Variants in AKNA observed in about 807,000 individuals in gnomAD.
The protein encoded by AKNA is microtubule organization protein AKNA.
Under a neutral mutation model 138.8 loss-of-function variants are expected in AKNA, and 67 were observed. The ratio of observed to expected loss-of-function variants is 0.48; its 90% CI spans 0.40 to 0.59. The LOEUF (loss-of-function observed/expected upper bound fraction) is 0.59, where lower values mean the gene tolerates loss of function less well. Among genes scored for constraint, AKNA ranks in the 20% least tolerant of loss-of-function variants. The pLI, the probability that AKNA is intolerant of heterozygous loss-of-function variation, is 0.00. For synonymous variants in AKNA, 737 were observed against 754.4 expected, an observed-to-expected ratio of 0.98 and a Z score of 0.38; for missense variants, 1,813 against 1,880.4, an observed-to-expected ratio of 0.96 and a Z score of 0.66.
chr9:114,346,814 T>A (rs1485746948), intron 16 of AKNA, 30 bp from the exon 17 acceptor site: 1 of 1,591,698 alleles, frequency 6.3e-7, no homozygotes, highest in Admixed American at 1.7e-5. Flanking sequence ...ATGATGTCAT[T>A]GGATGAGGTT....
chr9:114,350,949 G>T lies in AKNA; in HGVS notation c.3131C>A (p.Pro1044Gln), dbSNP rs1831073105. 5 of 1,613,176 alleles carry T rather than the reference G, an allele frequency of 3.1e-6. No homozygotes were observed. Among genetic ancestry groups the T allele is most frequent in the Non-Finnish European group, 4.2e-6 (5 of 1,179,804 alleles). Residue 1044 changes from proline (P) to glutamine (Q), a missense_variant, in exon 15 of 22, where the codon CCA (proline) becomes CAA (glutamine). Transcript: ENST00000374088. ...AGCGGCAGGGGCGGGGGCTGGGGGT[G>T]GGCTGATTGTCTTGTTGGGAAGGGG... is the stretch of plus-strand genomic sequence containing the variant. ...EQPLPNKTIS[P>Q]PPAPAPAAAP...
chr9:114,364,666 G>C (rs764915725), intron 6 of AKNA, 47 bp from the exon 7 acceptor site: 2 of 1,588,276 alleles, frequency 1.3e-6, no homozygotes, highest in Middle Eastern at 1.8e-4. Flanking sequence ...ATCCAGTCCT[G>C]TAGACTCCCA....
rs747692283 is a variant in AKNA, at chr9:114,381,155, C to A, written c.179G>T (p.Arg60Leu). 5.0e-6 allele frequency: 8 copies of A among 1,613,042 alleles called. No homozygotes were observed. In the East Asian group the frequency reaches 1.8e-4, roughly 36 times the overall value. ...GGGCGGCAGGTGCTGCTGGGCCAGG[C>A]GGAAGTCCTCTAGGAGCTCGGGGCT... ...ATSPELLEDFRLAQQHLPPLE... is the reference protein window; with the variant it reads ...ATSPELLEDFLLAQQHLPPLE... Residue 60 changes from arginine to leucine, a missense_variant, in exon 2 of 22, where the codon CGC becomes CTC. Arg to Leu is a moderately radical substitution (Grantham distance 102). Transcript: ENST00000374088.
chr9:114,386,260 A>G (rs1834023733), intron 1 of AKNA, among the ~76,000 whole-genome samples: 1 of 152,058 alleles, frequency 6.6e-6, no homozygotes, highest in African/African-American at 2.4e-5. Flanking sequence ...AAGTGTTCCA[A>G]GATTTTAAAC....
intron 6 of AKNA, among the ~76,000 whole-genome samples, chr9:114,365,275 C>T (rs1017240830): frequency 6.6e-6 from 1 of 152,108 alleles, no homozygotes; most frequent in South Asian, 2.1e-4. Flanking sequence ...GAATTCGTTG[C>T]CTACCCAAAA....
At chr9:114,368,228 G>T (rs1299191673) in intron 5 of AKNA, 1 of 462,188 alleles carries the variant, frequency 2.2e-6, no homozygotes, top group Non-Finnish European at 3.5e-6. Flanking sequence ...CAAGTGGCAG[G>T]GCCAGGGCTG....
chr9:114,386,235 T>G (rs1393188548), intron 1 of AKNA, among the ~76,000 whole-genome samples: 1 of 152,120 alleles, frequency 6.6e-6, no homozygotes, highest in African/African-American at 2.4e-5. Context: ...ATGCAAAGAA[T>G]ATAGAAAAGA....
chr9:114,344,161 C>G (rs1341716359), intron 18 of AKNA: 1 of 219,836 alleles, frequency 4.5e-6, no homozygotes, highest in South Asian at 5.8e-5. Context: ...AAATGATAAG[C>G]AAAGCAACAA....
upstream of AKNA, among the ~76,000 whole-genome samples, chr9:114,394,619 C>T (rs772038127): frequency 5.9e-5 from 9 of 152,230 alleles, no homozygotes; most frequent in Non-Finnish European, 1.2e-4. Context: ...GCCTCAGCCA[C>T]TTTTTGCATT....
chr9:114,341,221 G>A (rs893645353), intron 21 of AKNA, among the ~76,000 whole-genome samples: 3 of 152,164 alleles, frequency 2.0e-5, no homozygotes, highest in East Asian at 1.9e-4. Flanking sequence ...AAGGAAAATG[G>A]AAGATGGTTA....
chr9:114,332,872 G>A (rs182111966), downstream of AKNA, among the ~76,000 whole-genome samples: 31 of 152,292 alleles, frequency 2.0e-4, no homozygotes, highest in Middle Eastern at 3.4e-3. Flanking sequence ...CCATTGTAGA[G>A]GCAAGTAAGC....
At chr9:114,338,852 C>A (rs1195928975) in intron 21 of AKNA, among the ~76,000 whole-genome samples, 1 of 152,190 alleles carries the variant, frequency 6.6e-6, no homozygotes, top group East Asian at 1.9e-4. Context: ...CAGAGTCAGA[C>A]AGCTGGAAGG....
At chr9:114,340,506 C>T (rs145622893) in intron 21 of AKNA, among the ~76,000 whole-genome samples, 65 of 152,340 alleles carry the variant, frequency 4.3e-4, no homozygotes, top group African/African-American at 1.3e-3. Context: ...GCAATGAGCA[C>T]GTGACCAAAT....
At position 114,371,684 on chromosome 9, in the gene AKNA, A is replaced by G. The variant is rs114585117; in HGVS notation, c.1416+2409T>C. Among the ~76,000 whole-genome samples the G allele has an allele frequency of 1.7e-3, 254 of 152,314 alleles. 3 individuals carry two copies. Among genetic ancestry groups the G allele is most frequent in the African/African-American group, 5.9e-3 (245 of 41,572 alleles). On this transcript the variant is annotated intron_variant, in intron 4 of 21. Coordinates refer to ENST00000374088, the MANE Select transcript of AKNA (RefSeq NM_001317950.2). ...TGGGGTGGGATACCTGTTGCTGCTCAGTGAATGTCAATCTCCTTCCTATGG... is the reference window on the plus strand; with the variant it reads ...TGGGGTGGGATACCTGTTGCTGCTCGGTGAATGTCAATCTCCTTCCTATGG...
chr9:114,349,099 C>T (rs1025883965), intron 15 of AKNA: 6 of 397,184 alleles, frequency 1.5e-5, no homozygotes, highest in African/African-American at 4.1e-5. Flanking sequence ...CAAGTGTGGG[C>T]GGTGGCTACT....
intron 1 of AKNA, among the ~76,000 whole-genome samples, chr9:114,387,403 C>T (rs1834114606): frequency 1.3e-5 from 2 of 152,216 alleles, no homozygotes; most frequent in Admixed American, 1.3e-4. Context: ...TGCTGGTCCT[C>T]GGACTGTCCT....
downstream of AKNA, chr9:114,332,057 T>G (rs570820559): frequency 1.2e-3 from 777 of 664,030 alleles, 14 homozygotes; most frequent in African/African-American, 0.014. Context: ...TTTAGGCACC[T>G]GCCTCACTGT....
Position 114,377,512 on chromosome 9 carries a change from C to A in AKNA, c.295G>T (p.Asp99Tyr). 6.2e-7 allele frequency: 1 copy of A among 1,605,460 alleles called. No homozygotes were observed. Among genetic ancestry groups the A allele is most frequent in the Non-Finnish European group, 8.5e-7 (1 of 1,175,828 alleles). ...SGEEAEAEDV[D>Y]SPASSHEPLA... ...GGCTCATGGGAACTTGCTGGGCTGT[C>A]CACATCCTCTGCTTCAGCCTCTGGA... Residue 99 changes from aspartate to tyrosine, a missense_variant, in exon 3 of 22, where the codon GAC becomes TAC. By Grantham distance (160) the Asp-to-Tyr change is radical. Transcript: ENST00000374088.
At chr9:114,388,264 G>A (rs1248430100), upstream of AKNA, among the ~76,000 whole-genome samples, 1 of 152,212 alleles carries the variant, frequency 6.6e-6, no homozygotes, top group African/African-American at 2.4e-5. Flanking sequence ...GTACAGATGG[G>A]GAGACTAAAG....
Sources: allele counts gnomAD v4.1 joint callset (sites outside exome capture counted in the v4.1 genomes callset), GRCh38; gene constraint gnomAD v4.1.1; transcripts MANE v1.5; gene names NCBI Gene and HGNC (gene_info 2026-07-23, HGNC 2026-07-21).